SYT14: variants seen among roughly 807,000 people sequenced by gnomAD.
SYT14 encodes synaptotagmin 14.
SYT14 carries 32 observed loss-of-function variants against 74.2 expected under a neutral mutation model. The ratio of observed to expected loss-of-function variants is 0.43; its 90% CI spans 0.33 to 0.58. The LOEUF (loss-of-function observed/expected upper bound fraction) is 0.58, where lower values mean the gene tolerates loss of function less well. Among genes scored for constraint, SYT14 ranks in the 20% least tolerant of loss-of-function variants. SYT14 has a pLI of 0.05. For synonymous variants in SYT14, 298 were observed against 337.7 expected (o/e 0.88, Z 1.29); for missense variants, 791 against 981.8 (o/e 0.81, Z 2.60).
At chr1:210,155,014 T>G (rs1408174377) in intron 7 of SYT14, among the ~76,000 whole-genome samples, 1 of 152,206 alleles carries the variant, frequency 6.6e-6, no homozygotes, top group African/African-American at 2.4e-5. Context: ...ATGTACCCAG[T>G]GATTATGGAT....
At chr1:210,063,570 T>G (rs80334014) in intron 5 of SYT14, among the ~76,000 whole-genome samples, 2 of 151,878 alleles carry the variant, frequency 1.3e-5, no homozygotes, top group African/African-American at 2.4e-5. Flanking sequence ...TGAGTGTTTC[T>G]TGATTACTTT....
At chr1:210,042,052 A>T (rs1302073491) in intron 5 of SYT14, among the ~76,000 whole-genome samples, 2 of 151,852 alleles carry the variant, frequency 1.3e-5, no homozygotes, top group Non-Finnish European at 2.9e-5. Flanking sequence ...TTACCTTAGG[A>T]TGTTGCATTC....
intron 1 of SYT14, among the ~76,000 whole-genome samples, chr1:209,940,253 A>G (rs1264664457): frequency 6.6e-6 from 1 of 152,068 alleles, no homozygotes; most frequent in Admixed American, 6.5e-5. Context: ...TCTGCATGAG[A>G]CTCTGTACTA....
intron 8 of SYT14, among the ~76,000 whole-genome samples, chr1:210,159,025 A>G (rs969154341): frequency 6.6e-6 from 1 of 151,564 alleles, no homozygotes; most frequent in African/African-American, 2.4e-5. Flanking sequence ...TATTTGAAAT[A>G]TTAAATTGAT....
At chr1:210,148,523 A>G (rs1308885316) in intron 7 of SYT14, among the ~76,000 whole-genome samples, 1 of 145,944 alleles carries the variant, frequency 6.9e-6, no homozygotes, top group East Asian at 2.1e-4. Flanking sequence ...AAAAAAAAAA[A>G]GGACATAACC....
intron 2 of SYT14, among the ~76,000 whole-genome samples, chr1:209,964,757 T>G (rs1011360809): frequency 6.6e-6 from 1 of 152,096 alleles, no homozygotes; most frequent in African/African-American, 2.4e-5. Context: ...CATTAGAGAC[T>G]CAGAGCCCAA....
chr1:209,991,967 GAA>G (rs1258473323), intron 2 of SYT14, among the ~76,000 whole-genome samples: 1 of 152,068 alleles, frequency 6.6e-6, no homozygotes, highest in Non-Finnish European at 1.5e-5. Flanking sequence ...AATTTAAACA[GAA>G]CTACCATTTG....
At chr1:210,087,329 C>T (rs150383355) in intron 5 of SYT14, among the ~76,000 whole-genome samples, 354 of 152,318 alleles carry the variant, frequency 2.3e-3, no homozygotes, top group Middle Eastern at 0.017. Context: ...TGATATACTT[C>T]ACCAGATACC....
intron 5 of SYT14, among the ~76,000 whole-genome samples, chr1:210,050,758 A>G (rs1376322373): frequency 2.6e-5 from 4 of 152,220 alleles, no homozygotes; most frequent in Non-Finnish European, 2.9e-5. Context: ...AAACCACCAG[A>G]TCTTGTGAGA....
chr1:210,061,869 TGA>T (rs2081213207), intron 5 of SYT14, among the ~76,000 whole-genome samples: 1 of 151,906 alleles, frequency 6.6e-6, no homozygotes, highest in African/African-American at 2.4e-5. Flanking sequence ...CTTTGCTATT[TGA>T]ATCTTATTCA....
chr1:210,085,567 A>G (rs569751619), intron 5 of SYT14, among the ~76,000 whole-genome samples: 2 of 152,318 alleles, frequency 1.3e-5, no homozygotes, highest in East Asian at 3.9e-4. Flanking sequence ...GCACTGAGAG[A>G]TTTTATCATG....
rs987728013 is a variant in SYT14 at position 210,163,289 on chromosome 1, T to G, written c.*2247T>G. On this transcript the variant is annotated 3_prime_UTR_variant, in exon 10 of 10. Coordinates refer to ENST00000637265, the Ensembl canonical transcript of SYT14. The stretch of plus-strand genomic sequence containing the variant: ...TTTTTTCAGACTATTCCCAGAATTG[T>G]GTGTGTGATTTGATACATCCCTAGG... 12 of 453,614 alleles carry G rather than the reference T, an allele frequency of 2.6e-5. No individual in the cohort carries two copies. The Admixed American group carries it at 2.8e-4, about 11-fold the overall frequency. 28.1% of individuals were successfully genotyped at this position (453,614 alleles called of 1,614,324 possible).
At chr1:209,938,491 C>T (rs2078673183) in intron 1 of SYT14, among the ~76,000 whole-genome samples, 1 of 151,878 alleles carries the variant, frequency 6.6e-6, no homozygotes, top group Non-Finnish European at 1.5e-5. Context: ...TCGCCCCGGC[C>T]TTCGTGGTTT....
chr1:209,942,975 CTACA>C (rs1323115202), intron 1 of SYT14, among the ~76,000 whole-genome samples: 1 of 151,938 alleles, frequency 6.6e-6, no homozygotes, highest in Non-Finnish European at 1.5e-5. Context: ...TTATAGTTTG[CTACA>C]TACATATATT....
At chr1:209,998,735 A>G (rs2079841684) in intron 2 of SYT14, among the ~76,000 whole-genome samples, 1 of 152,112 alleles carries the variant, frequency 6.6e-6, no homozygotes, top group African/African-American at 2.4e-5. Context: ...GGAAATCTGG[A>G]TATTCATATG....
intron 7 of SYT14, among the ~76,000 whole-genome samples, chr1:210,141,474 C>A (rs898957835): frequency 6.6e-6 from 1 of 152,164 alleles, no homozygotes; most frequent in Admixed American, 6.5e-5. Context: ...GAGATCATGT[C>A]ATCTGTGAAT....
intron 5 of SYT14, 44 bp downstream of exon 4, chr1:210,021,298 A>G: frequency 1.3e-6 from 2 of 1,535,870 alleles, no homozygotes; most frequent in South Asian, 1.1e-5. Flanking sequence ...ACACTATAGT[A>G]TTTGATTACT....
At chr1:210,115,247 T>G (rs2082335869) in intron 7 of SYT14, among the ~76,000 whole-genome samples, 8 of 151,240 alleles carry the variant, frequency 5.3e-5, no homozygotes, top group Admixed American at 5.2e-4. Flanking sequence ...TTTAAGTTCT[T>G]GAGAACACAG....
At chr1:210,028,563 T>C (rs1038583516) in intron 5 of SYT14, among the ~76,000 whole-genome samples, 6 of 152,196 alleles carry the variant, frequency 3.9e-5, no homozygotes, top group African/African-American at 1.4e-4. Context: ...CTTAGCATAA[T>C]GTCCCCAGTT....
Sources: gnomAD v4.1 joint callset for allele counts (sites outside exome capture counted in the v4.1 genomes callset) on GRCh38, gnomAD v4.1.1 for gene constraint, MANE v1.5 for transcripts, NCBI Gene and HGNC (gene_info 2026-07-23, HGNC 2026-07-21) for gene names.